The following ZSCAN5C variants were observed in gnomAD, a reference collection of about 807,000 sequenced individuals.
ZSCAN5C encodes zinc finger and SCAN domain-containing protein 5C.
In ZSCAN5C, 11 loss-of-function variants were observed where a neutral mutation model predicts 17.3. The ratio of observed to expected loss-of-function variants is 0.64; its 90% confidence interval spans 0.40 to 1.06. The LOEUF (loss-of-function observed/expected upper bound fraction) is 1.06, where lower values mean the gene tolerates loss of function less well. Among genes scored for constraint, ZSCAN5C ranks in the 50% least tolerant of loss-of-function variants. The pLI is 0.00. For missense variants in ZSCAN5C, 698 were observed against 538.9 expected (o/e 1.30, Z -2.92); for synonymous variants, 229 against 208.4 (o/e 1.10, Z -0.85).
chr19:56,209,210 C>T (rs1299203161), downstream of ZSCAN5C: 16 of 723,248 alleles, frequency 2.2e-5, no homozygotes, highest in Non-Finnish European at 3.4e-5. Flanking sequence ...ACTTCACCAT[C>T]GGGTCTGTCT....
intron 1 of ZSCAN5C, among the ~76,000 whole-genome samples, chr19:56,203,116 T>G (rs2032888048): frequency 2.0e-5 from 3 of 151,958 alleles, no homozygotes. Flanking sequence ...TGAACCCCTT[T>G]TTTTAGAGAC....
At chr19:56,209,058 C>A in exon 5 of ZSCAN5C, 2 of 1,607,362 alleles carry the variant, frequency 1.2e-6, no homozygotes, top group East Asian at 2.2e-5. Flanking sequence ...AAAGTTTTCA[C>A]CTACAAGGCA....
chr19:56,208,698 T>A, exon 5 of ZSCAN5C: 2 of 1,612,456 alleles, frequency 1.2e-6, no homozygotes, highest in Non-Finnish European at 1.7e-6. Context: ...CAAGCTGAGA[T>A]CAATCCAGTT....
chr19:56,204,047 C>A (rs1163454410), intron 1 of ZSCAN5C, among the ~76,000 whole-genome samples: 1 of 151,630 alleles, frequency 6.6e-6, no homozygotes, highest in African/African-American at 2.4e-5. Context: ...TTGGGGTGTA[C>A]CTGTGCAGAT....
At chr19:56,207,600 T>G (rs895269306) in intron 3 of ZSCAN5C, among the ~76,000 whole-genome samples, 1 of 151,896 alleles carries the variant, frequency 6.6e-6, no homozygotes, top group Non-Finnish European at 1.5e-5. Context: ...AGCAGGGAAC[T>G]CACCTCCTAC....
chr19:56,205,178 G>A (rs1271606428), intron 1 of ZSCAN5C, among the ~76,000 whole-genome samples: 2 of 151,766 alleles, frequency 1.3e-5, no homozygotes, highest in East Asian at 1.9e-4. Context: ...TGCACAACAT[G>A]GTGCATGTCT....
rs777448514 is a variant in ZSCAN5C at position 56,208,411 on chromosome 19, C to T, written c.740-38C>T. ...CAATGAGTTTGGTGTATTGAAAATG[C>T]ACCTTATTAACTGTGTGTGTGGAAT... On this transcript the variant is annotated intron_variant, in intron 4 of 4. Coordinates refer to ENST00000534327, the Ensembl canonical transcript of ZSCAN5C. 77 of 1,211,696 alleles carry T rather than the reference C, an allele frequency of 6.4e-5. No individual in the cohort carries two copies. In the East Asian group the frequency reaches 1.3e-3, roughly 21 times the overall value. 75.1% of individuals were successfully genotyped at this position (1,211,696 alleles called of 1,614,324 possible).
chr19:56,203,082 A>T (rs1040629960), intron 1 of ZSCAN5C, among the ~76,000 whole-genome samples: 6 of 151,916 alleles, frequency 3.9e-5, no homozygotes, highest in African/African-American at 1.5e-4. Context: ...ACTGACAGCG[A>T]ATACAAAGTG....
intron 1 of ZSCAN5C, among the ~76,000 whole-genome samples, chr19:56,205,276 G>A (rs2032908800): frequency 6.6e-6 from 1 of 151,954 alleles, no homozygotes; most frequent in South Asian, 2.1e-4. Context: ...TATCTGTGTA[G>A]GAGCTTAATC....
exon 5 of ZSCAN5C, chr19:56,208,451 G>C (rs2032948656): frequency 7.5e-7 from 1 of 1,326,694 alleles, no homozygotes; most frequent in Non-Finnish European, 1.1e-6. Flanking sequence ...TCTTCCAGCA[G>C]GGGTGGTGGG....
At chr19:56,205,839 G>A in exon 2 of ZSCAN5C, 1 of 678,928 alleles carries the variant, frequency 1.5e-6, no homozygotes. Context: ...GGTGGCCTGT[G>A]TATATAGGTC....
Position 56,208,746 on chromosome 19 carries a change from G to GA in ZSCAN5C, c.1037_1038insA (p.Ser346ArgfsTer14). The GA allele has an allele frequency of 1.2e-6, 2 of 1,609,812 alleles. 1 individual carries two copies. The highest frequency in any genetic ancestry group is 2.7e-5 in the African/African-American group (2 of 74,526). On this transcript the variant is annotated frameshift_variant, in exon 5 of 5. Transcript: ENST00000534327. LOFTEE classifies it low-confidence loss of function (END_TRUNC). ...CCTGCGGGCCCAGTCAGTCACCCCA[G>GA]TGGCCAAGAAGTCAAGGAACTGCTG...
At chr19:56,203,100 G>A (rs2032887826) in intron 1 of ZSCAN5C, among the ~76,000 whole-genome samples, 1 of 151,832 alleles carries the variant, frequency 6.6e-6, no homozygotes. Flanking sequence ...GTGGTTTCTA[G>A]GAACATGAAC....
chr19:56,203,381 G>A (rs2032890234), intron 1 of ZSCAN5C, among the ~76,000 whole-genome samples: 1 of 151,880 alleles, frequency 6.6e-6, no homozygotes, highest in Non-Finnish European at 1.5e-5. Context: ...AATGTAAAAT[G>A]GGTAAATTGA....
chr19:56,208,114 G>A (rs1380401649), exon 4 of ZSCAN5C: 1 of 777,464 alleles, frequency 1.3e-6, no homozygotes, highest in Admixed American at 1.7e-5. Flanking sequence ...CCTTGGAGAA[G>A]GACCTGGAGG....
At chr19:56,204,716 G>A (rs1199946963) in intron 1 of ZSCAN5C, among the ~76,000 whole-genome samples, 4 of 151,792 alleles carry the variant, frequency 2.6e-5, no homozygotes, top group African/African-American at 4.9e-5. Context: ...GTCCTTCCAG[G>A]AAGTGTGGGG....
At chr19:56,205,737 G>A in intron 1 of ZSCAN5C, 50 bp from the exon 2 acceptor site, 2 of 572,934 alleles carry the variant, frequency 3.5e-6, no homozygotes, top group Non-Finnish European at 6.2e-6. Context: ...GGAAGGATGG[G>A]GTGGGTAGAG....
At chr19:56,208,806 A>G (rs757227544) in exon 5 of ZSCAN5C, 2 of 1,570,196 alleles carry the variant, frequency 1.3e-6, no homozygotes, top group South Asian at 1.1e-5. Flanking sequence ...AAGAGGTTTA[A>G]GTATCGCGGC....
rs769588698 is a variant in ZSCAN5C at position 56,208,751 on chromosome 19, C to G, written c.1042C>G (p.Gln348Glu). ...GGGCCCAGTCAGTCACCCCAGTGGC[C>G]AAGAAGTCAAGGAACTGCTGCCCTT... The change falls in exon 5 of 5, where the codon CAA becomes GAA. Residue 348 changes from glutamine (Q) to glutamate (E), a missense_variant. Coordinates refer to ENST00000534327, the Ensembl canonical transcript of ZSCAN5C. 13 of 1,607,540 alleles carry G rather than the reference C, an allele frequency of 8.1e-6. No homozygotes were observed. In the East Asian group the frequency reaches 2.9e-4, roughly 36 times the overall value.
Sources: allele counts gnomAD v4.1 joint callset (sites outside exome capture counted in the v4.1 genomes callset), GRCh38; gene constraint gnomAD v4.1.1; transcripts MANE v1.5; gene names NCBI Gene and HGNC (gene_info 2026-07-23, HGNC 2026-07-21).